The following KCND2 variants were observed in gnomAD, a reference collection of about 807,000 sequenced individuals.
The protein encoded by KCND2 is potassium voltage-gated channel subfamily D member 2.
In KCND2, 16 loss-of-function variants were observed where a neutral mutation model predicts 54.4. The ratio of observed to expected loss-of-function variants is 0.29; its 90% CI spans 0.20 to 0.45. KCND2 has a LOEUF of 0.45. Among genes scored for constraint, KCND2 ranks in the 20% least tolerant of loss-of-function variants. The pLI is 1.00. For missense variants in KCND2, 486 were observed against 824.2 expected (o/e 0.59, Z 5.02); for synonymous variants, 317 against 310.7 (o/e 1.02, Z -0.21).
At chr7:120,462,965 A>G (rs1262382013) in intron 1 of KCND2, among the ~76,000 whole-genome samples, 4 of 152,060 alleles carry the variant, frequency 2.6e-5, no homozygotes, top group African/African-American at 9.7e-5. Context: ...ATCCAAACTT[A>G]CTTTTCTACT....
intron 1 of KCND2, among the ~76,000 whole-genome samples, chr7:120,563,345 C>G (rs1792258295): frequency 6.6e-6 from 1 of 152,120 alleles, no homozygotes; most frequent in Non-Finnish European, 1.5e-5. Flanking sequence ...CTTAATTACC[C>G]AACATGTTAG....
intron 1 of KCND2, among the ~76,000 whole-genome samples, chr7:120,297,324 T>G (rs1799526459): frequency 6.6e-6 from 1 of 152,132 alleles, no homozygotes; most frequent in Non-Finnish European, 1.5e-5. Flanking sequence ...TCTTTCTGTG[T>G]CTGAGTTGTT....
chr7:120,725,384 C>T (rs1220737407), intron 1 of KCND2, among the ~76,000 whole-genome samples: 2 of 152,080 alleles, frequency 1.3e-5, no homozygotes, highest in Non-Finnish European at 2.9e-5. Context: ...AAAATGCTGT[C>T]GGAATTATTT....
chr7:120,373,001 A>G (rs963407167), intron 1 of KCND2, among the ~76,000 whole-genome samples: 1 of 151,738 alleles, frequency 6.6e-6, no homozygotes, highest in African/African-American at 2.4e-5. Context: ...CCCCTCAGGG[A>G]TCCTTTAACT....
intron 1 of KCND2, among the ~76,000 whole-genome samples, chr7:120,524,430 A>C (rs1791745972): frequency 6.6e-6 from 1 of 152,120 alleles, no homozygotes; most frequent in Non-Finnish European, 1.5e-5. Context: ...CTAACTTTTA[A>C]AATATATTTT....
chr7:120,533,198 C>A (rs1237005720), intron 1 of KCND2, among the ~76,000 whole-genome samples: 1 of 152,088 alleles, frequency 6.6e-6, no homozygotes, highest in African/African-American at 2.4e-5. Flanking sequence ...TCTCAACTTT[C>A]CAATTATTTT....
At chr7:120,564,076 A>G (rs557574064) in intron 1 of KCND2, among the ~76,000 whole-genome samples, 59 of 152,328 alleles carry the variant, frequency 3.9e-4, no homozygotes, top group African/African-American at 1.4e-3. Context: ...TATACCAATA[A>G]ATTTGGACAA....
chr7:120,522,625 T>G (rs1391315567), intron 1 of KCND2, among the ~76,000 whole-genome samples: 1 of 152,176 alleles, frequency 6.6e-6, no homozygotes, highest in Non-Finnish European at 1.5e-5. Flanking sequence ...AAGTAATTGT[T>G]CAGCAAAAGT....
At chr7:120,579,068 A>G (rs1034508488) in intron 1 of KCND2, among the ~76,000 whole-genome samples, 1 of 152,168 alleles carries the variant, frequency 6.6e-6, no homozygotes, top group Non-Finnish European at 1.5e-5. Flanking sequence ...TTTTTCCAAA[A>G]ATATACAGAG....
chr7:120,277,395 C>G (rs1017026541), intron 1 of KCND2, among the ~76,000 whole-genome samples: 2 of 151,884 alleles, frequency 1.3e-5, no homozygotes, highest in Admixed American at 6.6e-5. Flanking sequence ...GCAGGAGATC[C>G]TTATTAAGGA....
At chr7:120,740,432 T>A (rs1176595544) in intron 2 of KCND2, among the ~76,000 whole-genome samples, 1 of 152,136 alleles carries the variant, frequency 6.6e-6, no homozygotes, top group Non-Finnish European at 1.5e-5. Context: ...TTTTGTGAGA[T>A]AAGCCTACAG....
At chr7:120,717,130 A>G (rs1792612886) in intron 1 of KCND2, among the ~76,000 whole-genome samples, 1 of 152,146 alleles carries the variant, frequency 6.6e-6, no homozygotes. Context: ...CTACATCATG[A>G]GATGAAATGA....
At chr7:120,687,971 C>T (rs1042756411) in intron 1 of KCND2, among the ~76,000 whole-genome samples, 3 of 152,076 alleles carry the variant, frequency 2.0e-5, no homozygotes, top group African/African-American at 7.2e-5. Context: ...GTATGAAAAG[C>T]ATTCAGTGTC....
rs184914300 is a variant in KCND2 at position 120,295,642 on chromosome 7, A to G, written c.1115+19895A>G. On this transcript the variant is annotated intron_variant, in intron 1 of 5. Transcript: ENST00000331113. ...ATTGAGAGAATGGCAAATCAAAGGG[A>G]TAAGGAGAATATTTTTAGCCATAAT... is the stretch of plus-strand genomic sequence containing the variant. Among the ~76,000 whole-genome samples the G allele has an allele frequency of 3.4e-4, 52 of 152,112 alleles. 2 individuals carry two copies. In the South Asian group the frequency reaches 9.5e-3, roughly 28 times the overall value.
chr7:120,699,601 G>A (rs1260802807), intron 1 of KCND2, among the ~76,000 whole-genome samples: 3 of 152,150 alleles, frequency 2.0e-5, no homozygotes, highest in Admixed American at 6.5e-5. Context: ...AGAAGGTCAG[G>A]AATTTCCAAG....
chr7:120,615,406 A>T (rs1793011282), intron 1 of KCND2, among the ~76,000 whole-genome samples: 1 of 152,220 alleles, frequency 6.6e-6, no homozygotes, highest in African/African-American at 2.4e-5. Flanking sequence ...ACAATTTCAC[A>T]TATAAAGATT....
intron 1 of KCND2, among the ~76,000 whole-genome samples, chr7:120,654,214 G>A (rs1375726693): frequency 1.3e-5 from 2 of 151,982 alleles, no homozygotes; most frequent in African/African-American, 4.8e-5. Flanking sequence ...GAGAATGCAG[G>A]ATATTTGATA....
At chr7:120,521,770 G>T (rs1391118547) in intron 1 of KCND2, among the ~76,000 whole-genome samples, 1 of 152,076 alleles carries the variant, frequency 6.6e-6, no homozygotes, top group Non-Finnish European at 1.5e-5. Context: ...TGTGTATATA[G>T]TTTGTATACA....
At chr7:120,613,618 T>C (rs1035796194) in intron 1 of KCND2, among the ~76,000 whole-genome samples, 9 of 152,230 alleles carry the variant, frequency 5.9e-5, no homozygotes, top group Non-Finnish European at 1.3e-4. Flanking sequence ...CTCTGTAGGA[T>C]GAACAGATCT....
Sources: allele counts gnomAD v4.1 joint callset (sites outside exome capture counted in the v4.1 genomes callset), GRCh38; gene constraint gnomAD v4.1.1; transcripts MANE v1.5; gene names NCBI Gene and HGNC (gene_info 2026-07-23, HGNC 2026-07-21).